The following RANBP3L variants were observed in gnomAD, a reference collection of about 807,000 sequenced individuals.
The protein encoded by RANBP3L is RAN binding protein 3 like, also known as ran-binding protein 3-like.
A neutral mutation model predicts 67.2 loss-of-function variants in RANBP3L; 56 were observed. The ratio of observed to expected loss-of-function variants is 0.83; its 90% CI spans 0.67 to 1.04. The LOEUF (loss-of-function observed/expected upper bound fraction) is 1.04. Among genes scored for constraint, RANBP3L ranks in the 50% least tolerant of loss-of-function variants. RANBP3L has a pLI of 0.00. For missense variants in RANBP3L, 496 were observed against 535.5 expected, an observed-to-expected ratio of 0.93 and a Z score of 0.73; for synonymous variants, 164 against 181.4, an observed-to-expected ratio of 0.90 and a Z score of 0.77.
rs61108013 is a variant in RANBP3L, at chr5:36,264,366, TATC to T, written c.480+590_480+592del. Reference sequence around the variant, plus strand: ...CAGGTAGCACTACAGCAATTGAATATATCCCCAAACCCATATCTGCACGGCTTG... The same window carrying T: ...CAGGTAGCACTACAGCAATTGAATATCCCAAACCCATATCTGCACGGCTTG... On this transcript the variant is annotated intron_variant, in intron 6 of 13. Transcript: ENST00000296604. 4.6e-5 allele frequency among the ~76,000 whole-genome samples: 7 copies of T among 152,298 alleles called. No homozygotes were observed. In the East Asian group the frequency reaches 1.4e-3, roughly 29 times the overall value.
intron 1 of RANBP3L, among the ~76,000 whole-genome samples, chr5:36,273,248 G>A (rs1169510253): frequency 6.6e-6 from 1 of 152,172 alleles, no homozygotes; most frequent in Non-Finnish European, 1.5e-5. Flanking sequence ...AGCATGGCTT[G>A]ATCTAAGCCT....
intron 1 of RANBP3L, among the ~76,000 whole-genome samples, chr5:36,296,532 C>T (rs865860865): frequency 5.3e-5 from 8 of 152,070 alleles, no homozygotes; most frequent in Admixed American, 2.0e-4. Context: ...ATAGATTTTA[C>T]GAGACAGCTG....
chr5:36,295,460 T>A (rs765763675), intron 1 of RANBP3L, among the ~76,000 whole-genome samples: 1 of 152,086 alleles, frequency 6.6e-6, no homozygotes, highest in African/African-American at 2.4e-5. Flanking sequence ...TGATCATAAG[T>A]TTCCTAAGGC....
chr5:36,254,981 C>T (rs183745857), intron 11 of RANBP3L, among the ~76,000 whole-genome samples: 1 of 152,098 alleles, frequency 6.6e-6, no homozygotes, highest in Non-Finnish European at 1.5e-5. Context: ...TTCATCCCGA[C>T]CCCCATCCCA....
At chr5:36,270,587 C>A (rs896586060) in intron 2 of RANBP3L, among the ~76,000 whole-genome samples, 1 of 152,172 alleles carries the variant, frequency 6.6e-6, no homozygotes, top group Non-Finnish European at 1.5e-5. Flanking sequence ...AACACCTAGG[C>A]TCAAGCAATC....
intron 3 of RANBP3L, 99 bp from the exon 4 acceptor site, chr5:36,269,566 C>G (rs1468788020): frequency 2.7e-6 from 2 of 746,754 alleles, no homozygotes; most frequent in African/African-American, 3.5e-5. Context: ...TTTGTCTACA[C>G]AGACCATCAT....
chr5:36,257,087 G>A lies in RANBP3L; in HGVS notation c.773-16C>T, dbSNP rs373857232. Reference sequence around the variant, plus strand: ...GAGTCTGTTCCTAAGAGAAAATGGGGAAAAAACACTTAAAAGTCCCCATTT... The same window carrying A: ...GAGTCTGTTCCTAAGAGAAAATGGGAAAAAAACACTTAAAAGTCCCCATTT... On this transcript the variant is annotated splice_polypyrimidine_tract_variant and intron_variant, in intron 9 of 13. Transcript: ENST00000296604. 6.9e-6 allele frequency: 11 copies of A among 1,598,160 alleles called. No homozygotes were observed. Among genetic ancestry groups the A allele is most frequent in the East Asian group, 4.5e-5 (2 of 44,564 alleles).
intron 1 of RANBP3L, among the ~76,000 whole-genome samples, chr5:36,277,237 G>A (rs768638229): frequency 2.0e-4 from 31 of 151,952 alleles, no homozygotes; most frequent in Non-Finnish European, 3.5e-4. Context: ...CTTGTGCACT[G>A]TCTCACCCCA....
intron 1 of RANBP3L, among the ~76,000 whole-genome samples, chr5:36,299,517 T>C (rs1257069651): frequency 6.6e-6 from 1 of 152,056 alleles, no homozygotes; most frequent in Non-Finnish European, 1.5e-5. Flanking sequence ...ATAGTATTAC[T>C]GAGAACATAC....
chr5:36,268,360 T>C, intron 4 of RANBP3L: 1 of 712,134 alleles, frequency 1.4e-6, no homozygotes, highest in Non-Finnish European at 2.2e-6. Context: ...AATTTCTGTA[T>C]CACTAATTTA....
At chr5:36,270,119 T>C (rs1750105135) in intron 2 of RANBP3L, 129 bp from the exon 3 acceptor site, 2 of 770,824 alleles carry the variant, frequency 2.6e-6, no homozygotes, top group East Asian at 4.9e-5. Context: ...ACCAACCTAG[T>C]ACATCAGATT....
intron 1 of RANBP3L, among the ~76,000 whole-genome samples, chr5:36,282,262 A>G (rs1751023566): frequency 6.6e-6 from 1 of 152,238 alleles, no homozygotes; most frequent in Non-Finnish European, 1.5e-5. Context: ...GGAAATATGC[A>G]TTGAGCAGGC....
At chr5:36,294,884 A>AC (rs1305223793) in intron 1 of RANBP3L, among the ~76,000 whole-genome samples, 3 of 148,394 alleles carry the variant, frequency 2.0e-5, no homozygotes, top group Non-Finnish European at 3.0e-5. Flanking sequence ...GTATATATAC[A>AC]CTATATATAC....
At chr5:36,264,086 G>C (rs548236763) in intron 6 of RANBP3L, among the ~76,000 whole-genome samples, 1 of 152,316 alleles carries the variant, frequency 6.6e-6, no homozygotes, top group Admixed American at 6.5e-5. Flanking sequence ...TTACTTTGCT[G>C]ATATAAAAAG....
chr5:36,248,301 C>T lies in RANBP3L; in HGVS notation c.*1353G>A, dbSNP rs1349608229. 6.6e-6 allele frequency: 1 copy of T among 151,986 alleles called. No individual in the cohort carries two copies. Among genetic ancestry groups the T allele is most frequent in the Non-Finnish European group, 1.5e-5 (1 of 68,000 alleles). The allele number at this position is 151,986 out of a possible 1,614,324, so 9.4% of individuals were successfully genotyped here. On this transcript the variant is annotated 3_prime_UTR_variant, in exon 14 of 14. Coordinates refer to ENST00000296604, the MANE Select transcript of RANBP3L (RefSeq NM_145000.5). ...AGAATCACTGGAAGAATGAATGGGCCTCTCTTAGTAGTTATATTAAGTTAT... is the reference window on the plus strand; with the variant it reads ...AGAATCACTGGAAGAATGAATGGGCTTCTCTTAGTAGTTATATTAAGTTAT...
chr5:36,272,687 G>A (rs142757744), intron 1 of RANBP3L, among the ~76,000 whole-genome samples: 9 of 152,096 alleles, frequency 5.9e-5, no homozygotes, highest in East Asian at 3.9e-4. Context: ...GCCGAGGCTC[G>A]AGTGTAATGG....
intron 1 of RANBP3L, among the ~76,000 whole-genome samples, chr5:36,285,333 T>C (rs1751245913): frequency 1.3e-5 from 2 of 152,218 alleles, no homozygotes; most frequent in Non-Finnish European, 2.9e-5. Context: ...GTGGAACTTA[T>C]CATCTAAGGT....
chr5:36,250,302 A>G (rs988070176), intron 13 of RANBP3L, among the ~76,000 whole-genome samples: 2 of 151,960 alleles, frequency 1.3e-5, no homozygotes, highest in African/African-American at 2.4e-5. Flanking sequence ...CCATTTGTTT[A>G]ATAGATTTGC....
intron 4 of RANBP3L, among the ~76,000 whole-genome samples, chr5:36,266,290 T>C (rs957989162): frequency 2.6e-5 from 4 of 152,212 alleles, no homozygotes; most frequent in African/African-American, 9.6e-5. Context: ...GTTATTTTTC[T>C]ACAAACATGT....
Sources: allele counts gnomAD v4.1 joint callset (sites outside exome capture counted in the v4.1 genomes callset), GRCh38; gene constraint gnomAD v4.1.1; transcripts MANE v1.5; gene names NCBI Gene and HGNC (gene_info 2026-07-23, HGNC 2026-07-21).